LCORL: variants seen among roughly 807,000 people sequenced by gnomAD.
The protein encoded by LCORL is ligand-dependent nuclear receptor corepressor-like protein.
Under a neutral mutation model 141.8 loss-of-function variants are expected in LCORL, and 41 were observed. That is an observed-to-expected ratio of 0.29 (90% CI 0.23 to 0.38). The LOEUF (loss-of-function observed/expected upper bound fraction) is 0.38. Ranked by LOEUF, LCORL falls within the 10% of genes least tolerant of loss-of-function variation. The pLI is 1.00. For synonymous variants in LCORL, 618 were observed against 694.1 expected (o/e 0.89, Z 1.72); for missense variants, 1,759 against 2,035.0 (o/e 0.86, Z 2.61).
chr4:17,876,984 T>C, exon 7 of LCORL: 7 of 1,230,766 alleles, frequency 5.7e-6, no homozygotes, highest in Middle Eastern at 3.1e-4. Flanking sequence ...TTGGTCATGA[T>C]AGAATTCTCC....
chr4:17,995,967 A>G (rs1395734398), intron 1 of LCORL, among the ~76,000 whole-genome samples: 1 of 152,146 alleles, frequency 6.6e-6, no homozygotes, highest in Non-Finnish European at 1.5e-5. Flanking sequence ...CACCTCATAT[A>G]TTGAAAATTT....
chr4:17,903,037 T>C (rs1277691288), intron 5 of LCORL, among the ~76,000 whole-genome samples: 3 of 152,062 alleles, frequency 2.0e-5, no homozygotes, highest in Non-Finnish European at 4.4e-5. Context: ...GCAACCAAAA[T>C]GTTTAAAATG....
intron 1 of LCORL, among the ~76,000 whole-genome samples, chr4:18,013,090 T>C (rs926129140): frequency 3.3e-5 from 5 of 152,194 alleles, no homozygotes; most frequent in Non-Finnish European, 5.9e-5. Context: ...AAAAACAATG[T>C]ACACTTCCCT....
At chr4:18,000,004 T>C (rs1400938070) in intron 1 of LCORL, among the ~76,000 whole-genome samples, 2 of 152,160 alleles carry the variant, frequency 1.3e-5, no homozygotes, top group African/African-American at 4.8e-5. Context: ...GCCTGGCACA[T>C]TAAAAACTTT....
intron 1 of LCORL, among the ~76,000 whole-genome samples, chr4:17,978,642 G>C (rs2109705200): frequency 6.6e-6 from 1 of 151,998 alleles, no homozygotes; most frequent in African/African-American, 2.4e-5. Flanking sequence ...TGGGTGGTGG[G>C]AACTTGAATA....
exon 7 of LCORL, chr4:17,875,769 A>C: frequency 8.1e-7 from 1 of 1,231,148 alleles, no homozygotes; most frequent in African/African-American, 1.6e-5. Context: ...TTTTCTTTTA[A>C]AAGATGGATC....
At chr4:17,980,276 A>C (rs1717726960) in intron 1 of LCORL, among the ~76,000 whole-genome samples, 1 of 152,234 alleles carries the variant, frequency 6.6e-6, no homozygotes, top group Non-Finnish European at 1.5e-5. Flanking sequence ...GGTCTGTGGC[A>C]AATTCAATAT....
At chr4:17,880,147 A>T (rs889253968) in intron 6 of LCORL, among the ~76,000 whole-genome samples, 5 of 151,124 alleles carry the variant, frequency 3.3e-5, no homozygotes, top group African/African-American at 7.2e-5. Context: ...AGAACAGCTT[A>T]AAAAAGGTAT....
At chr4:17,990,096 GTTTT>G (rs372033680) in intron 1 of LCORL, among the ~76,000 whole-genome samples, 1 of 122,638 alleles carries the variant, frequency 8.2e-6, no homozygotes, top group African/African-American at 3.1e-5. Flanking sequence ...AACTCTCTGC[GTTTT>G]TTTTTTTTTT....
At chr4:17,848,967 G>T (rs1321746500) in intron 7 of LCORL, among the ~76,000 whole-genome samples, 5 of 148,056 alleles carry the variant, frequency 3.4e-5, no homozygotes, top group African/African-American at 1.2e-4. Flanking sequence ...AGGCAGCAGC[G>T]AGGCTGGGGG....
exon 8 of LCORL, chr4:17,841,723 T>C (rs1282518728): frequency 6.6e-6 from 1 of 152,026 alleles, no homozygotes; most frequent in East Asian, 1.9e-4. Flanking sequence ...GTCTTACTCC[T>C]TAACCTTGTA....
At chr4:17,859,307 C>T (rs1483592966) in intron 7 of LCORL, among the ~76,000 whole-genome samples, 1 of 152,112 alleles carries the variant, frequency 6.6e-6, no homozygotes, top group Non-Finnish European at 1.5e-5. Flanking sequence ...TTTTGACTTA[C>T]AGTATTTTCA....
intron 7 of LCORL, among the ~76,000 whole-genome samples, chr4:17,846,315 C>G (rs550618093): frequency 2.6e-5 from 4 of 152,088 alleles, no homozygotes; most frequent in Non-Finnish European, 5.9e-5. Context: ...CATGTATTGT[C>G]TCATCTGAAT....
At chr4:17,940,250 G>A (rs1200633882) in intron 4 of LCORL, among the ~76,000 whole-genome samples, 1 of 145,242 alleles carries the variant, frequency 6.9e-6, no homozygotes, top group Non-Finnish European at 1.5e-5. Context: ...CTGTCCTTAA[G>A]GTATGACATT....
intron 7 of LCORL, among the ~76,000 whole-genome samples, chr4:17,860,506 A>G (rs926999403): frequency 6.6e-6 from 1 of 152,170 alleles, no homozygotes; most frequent in African/African-American, 2.4e-5. Flanking sequence ...GGTCCCTCCC[A>G]CAACACATGG....
At chr4:18,018,392 A>G (rs1379956649) in intron 1 of LCORL, among the ~76,000 whole-genome samples, 1 of 152,202 alleles carries the variant, frequency 6.6e-6, no homozygotes, top group African/African-American at 2.4e-5. Flanking sequence ...GTCAAATTAT[A>G]GAAAGTACCA....
In LCORL at chr4:18,021,585, G is replaced by T. The variant is rs555845728; in HGVS notation, c.154+13C>A. On this transcript the variant is annotated intron_variant, in intron 1 of 7. Coordinates refer to ENST00000635767, the Ensembl canonical transcript of LCORL. This position sits in a 1 kb window ranked among gnomAD's most constrained non-coding sequence, Gnocchi z 5.5. ...CGCGCGGAGCCCGGGGCCCCGGCCC[G>T]CGTCTCTCTTACCTACACAGTGCAT... The T allele has an allele frequency of 2.0e-6, 3 of 1,516,448 alleles. No individual in the cohort carries two copies. The South Asian group carries it at 3.7e-5, about 19-fold the overall frequency. 93.9% of individuals were successfully genotyped at this position (1,516,448 alleles called of 1,614,324 possible).
At chr4:17,929,748 C>T (rs993490902) in intron 4 of LCORL, among the ~76,000 whole-genome samples, 27 of 152,028 alleles carry the variant, frequency 1.8e-4, no homozygotes, top group African/African-American at 6.3e-4. Context: ...ACAACAAGAA[C>T]AGAATGGATA....
chr4:17,892,562 G>GTA (rs915978868), intron 5 of LCORL, among the ~76,000 whole-genome samples: 3 of 151,862 alleles, frequency 2.0e-5, no homozygotes, highest in East Asian at 1.9e-4. Flanking sequence ...GTTTTGTTTT[G>GTA]TATATATATA....
Sources: allele counts gnomAD v4.1 joint callset (sites outside exome capture counted in the v4.1 genomes callset), GRCh38; gene constraint gnomAD v4.1.1; non-coding constraint Gnocchi (gnomAD v3.1); transcripts MANE v1.5; gene names NCBI Gene and HGNC (gene_info 2026-07-23, HGNC 2026-07-21).